Variants in SAG observed in about 807,000 individuals in gnomAD.
SAG encodes S-arrestin.
Under a neutral mutation model 55.0 loss-of-function variants are expected in SAG, and 45 were observed. That is an observed-to-expected ratio of 0.82 (90% CI 0.64 to 1.05). The LOEUF (loss-of-function observed/expected upper bound fraction) is 1.05, where lower values mean the gene tolerates loss of function less well. Among genes scored for constraint, SAG ranks in the 50% least tolerant of loss-of-function variants. The probability of loss-of-function intolerance (pLI) is 0.00; values close to 1 mark genes in which losing one functional copy is unlikely to be tolerated. For missense variants in SAG, 455 were observed against 512.1 expected (o/e 0.89, Z 1.08); for synonymous variants, 189 against 197.4 (o/e 0.96, Z 0.36).
intron 2 of SAG, among the ~76,000 whole-genome samples, chr2:233,312,215 C>G (rs115773623): frequency 1.4e-3 from 217 of 152,270 alleles, no homozygotes; most frequent in African/African-American, 5.1e-3. Context: ...AGTTCTTCTT[C>G]CCTTGCAGCC....
At position 233,347,026 on chromosome 2, in the gene SAG, G is replaced by A. The variant is rs895206674; in HGVS notation, c.*114G>A. On this transcript the variant is annotated 3_prime_UTR_variant, in exon 16 of 16. Coordinates refer to ENST00000409110, the MANE Select transcript of SAG (RefSeq NM_000541.5). The surrounding 1 kb of genome is among the most constrained non-coding windows in gnomAD (Gnocchi z 4.5). ...CGTATGAAAGGATGAGTCTTCTTCC[G>A]AGAAATAAAGCTTGTTTGTTCTCCC... 1.7e-5 allele frequency: 11 copies of A among 648,832 alleles called. No individual in the cohort carries two copies. Among genetic ancestry groups the A allele is most frequent in the South Asian group, 9.7e-5 (5 of 51,532 alleles). The allele number at this position is 648,832 out of a possible 1,614,324, so 40.2% of individuals were successfully genotyped here.
chr2:233,313,104 C>T (rs1292510636), intron 2 of SAG, among the ~76,000 whole-genome samples: 1 of 152,206 alleles, frequency 6.6e-6, no homozygotes, highest in African/African-American at 2.4e-5. Context: ...GCACCCAGAA[C>T]ACAGTGTGCT....
chr2:233,311,658 C>T (rs547543806), intron 2 of SAG, among the ~76,000 whole-genome samples: 1 of 152,240 alleles, frequency 6.6e-6, no homozygotes, highest in South Asian at 2.1e-4. Flanking sequence ...CTCTACCTGC[C>T]CCCATCCTGC....
At chr2:233,334,934 T>C in intron 10 of SAG, 28 bp from the exon 11 acceptor site, 3 of 1,613,044 alleles carry the variant, frequency 1.9e-6, no homozygotes, top group Non-Finnish European at 2.5e-6. Context: ...TTGATGGTTA[T>C]AAATCTCCTC....
intron 11 of SAG, among the ~76,000 whole-genome samples, chr2:233,336,997 G>C (rs1700953121): frequency 6.6e-6 from 1 of 151,910 alleles, no homozygotes; most frequent in Admixed American, 6.6e-5. Flanking sequence ...TTGAGAGGCT[G>C]AGATGACAGG....
chr2:233,309,771 G>A (rs1313317882), intron 2 of SAG, among the ~76,000 whole-genome samples: 1 of 152,186 alleles, frequency 6.6e-6, no homozygotes, highest in Non-Finnish European at 1.5e-5. Flanking sequence ...CTTCTCTTCA[G>A]TCTCATCAAG....
At chr2:233,343,093 T>G (rs1326538784) in intron 14 of SAG, 1 of 146,614 alleles carries the variant, frequency 6.8e-6, no homozygotes, top group Non-Finnish European at 1.5e-5. Context: ...TTTTTTTTTT[T>G]TTTTTTTTTT....
chr2:233,346,492 T>G, intron 15 of SAG, 80 bp downstream of exon 15: 4 of 1,451,916 alleles, frequency 2.8e-6, no homozygotes, highest in Non-Finnish European at 3.9e-6. Flanking sequence ...CCTCTTTGAG[T>G]CTTTGCACAT....
intron 15 of SAG, 70 bp from the exon 16 acceptor site, chr2:233,346,737 T>A: frequency 9.4e-7 from 1 of 1,068,120 alleles, no homozygotes; most frequent in Admixed American, 2.0e-5. Context: ...TGCAAAAAGA[T>A]CAAGGATCTT....
chr2:233,331,831 C>T (rs757820560), intron 10 of SAG, 119 bp downstream of exon 10: 10 of 756,422 alleles, frequency 1.3e-5, no homozygotes, highest in Non-Finnish European at 1.9e-5. Flanking sequence ...CCTTCCACTT[C>T]CTTCCTCTTT....
intron 2 of SAG, among the ~76,000 whole-genome samples, chr2:233,314,040 C>T (rs757565373): frequency 2.0e-5 from 3 of 151,480 alleles, no homozygotes; most frequent in Non-Finnish European, 2.9e-5. Context: ...GGCAACATGG[C>T]GAGACCCTGT....
intron 11 of SAG, among the ~76,000 whole-genome samples, chr2:233,336,010 A>T (rs1172198909): frequency 6.6e-6 from 1 of 152,266 alleles, no homozygotes; most frequent in Admixed American, 6.5e-5. Flanking sequence ...CAATTGGCAG[A>T]AAGCAGGTGG....
At chr2:233,346,267 ATC>A in intron 14 of SAG, 134 bp from the exon 15 acceptor site, 1 of 890,822 alleles carries the variant, frequency 1.1e-6, no homozygotes, top group Non-Finnish European at 1.9e-6. Context: ...AACTGCATGT[ATC>A]TAGGCCTTAT....
At chr2:233,337,396 G>T (rs762552194) in intron 11 of SAG, among the ~76,000 whole-genome samples, 2 of 152,030 alleles carry the variant, frequency 1.3e-5, no homozygotes, top group African/African-American at 4.8e-5. Flanking sequence ...CCACCACCAC[G>T]CCTGGCTAAT....
At chr2:233,346,500 C>T (rs1302677211) in intron 15 of SAG, 88 bp downstream of exon 15, 11 of 1,405,570 alleles carry the variant, frequency 7.8e-6, no homozygotes, top group Non-Finnish European at 1.1e-5. Flanking sequence ...AGTCTTTGCA[C>T]ATATCCCAAG....
In SAG at chr2:233,318,783, A is replaced by C. The variant is rs1418385655; in HGVS notation, c.169A>C (p.Lys57Gln). Reference sequence around the variant, plus strand: ...CGTGTTGGTTGATCCTGATCTTGTGAAGGGAAAGAAAGGTGAGATGAAGCC... The same window carrying C: ...CGTGTTGGTTGATCCTGATCTTGTGCAGGGAAAGAAAGGTGAGATGAAGCC... ...GVVLVDPDLV[K>Q]GKKVYVTLTC... The change falls in exon 4 of 16, where the codon AAG (lysine) becomes CAG (glutamine). Residue 57 changes from lysine to glutamine, a missense_variant. Transcript: ENST00000409110. The C allele has an allele frequency of 6.2e-7, 1 of 1,613,562 alleles. No homozygotes were observed. Among genetic ancestry groups the C allele is most frequent in the Non-Finnish European group, 8.5e-7 (1 of 1,179,650 alleles).
At chr2:233,331,583 A>C in intron 9 of SAG, 57 bp from the exon 10 acceptor site, 1 of 1,105,694 alleles carries the variant, frequency 9.0e-7, no homozygotes, top group Non-Finnish European at 1.4e-6. Context: ...GCCGCAGGGA[A>C]AGTGCACGTG....
chr2:233,318,978 C>T (rs955193021), intron 4 of SAG, 183 bp downstream of exon 4: 3 of 722,602 alleles, frequency 4.2e-6, no homozygotes, highest in Non-Finnish European at 7.7e-6. Flanking sequence ...TGACATAGGT[C>T]CTGTTGACAC....
chr2:233,315,025 T>G (rs1700179130), intron 2 of SAG, among the ~76,000 whole-genome samples: 1 of 152,184 alleles, frequency 6.6e-6, no homozygotes, highest in South Asian at 2.1e-4. Flanking sequence ...GACTCCAGAT[T>G]ACTACCACCA....
Sources: gnomAD v4.1 joint callset for allele counts (sites outside exome capture counted in the v4.1 genomes callset) on GRCh38, gnomAD v4.1.1 for gene constraint, Gnocchi (gnomAD v3.1) non-coding constraint, MANE v1.5 for transcripts, NCBI Gene and HGNC (gene_info 2026-07-23, HGNC 2026-07-21) for gene names.